Variants in EPHA5 observed in about 807,000 individuals in gnomAD.
EPHA5 encodes the protein EPH receptor A5, also known as ephrin type-A receptor 5.
Under a neutral mutation model 105.0 loss-of-function variants are expected in EPHA5, and 60 were observed. The ratio of observed to expected loss-of-function variants is 0.57; its 90% CI spans 0.46 to 0.71. EPHA5 has a LOEUF of 0.71. Among genes scored for constraint, EPHA5 ranks in the 30% least tolerant of loss-of-function variants. EPHA5 has a pLI of 0.00. For synonymous variants in EPHA5, 513 were observed against 449.1 expected (o/e 1.14, Z -1.80); for missense variants, 1,218 against 1,274.7 (o/e 0.96, Z 0.68).
intron 3 of EPHA5, among the ~76,000 whole-genome samples, chr4:65,579,852 G>A (rs2149395301): frequency 6.6e-6 from 1 of 151,966 alleles, no homozygotes. Flanking sequence ...ACATCTATAA[G>A]TGCTAAAAAT....
At chr4:65,478,381 A>AT (rs566758055) in intron 5 of EPHA5, among the ~76,000 whole-genome samples, 72 of 152,262 alleles carry the variant, frequency 4.7e-4, no homozygotes, top group Middle Eastern at 3.4e-3. Flanking sequence ...AAATTTGTAC[A>AT]TTTTCAGTTT....
At chr4:65,641,508 A>G (rs1747664797) in intron 2 of EPHA5, among the ~76,000 whole-genome samples, 1 of 152,196 alleles carries the variant, frequency 6.6e-6, no homozygotes. Context: ...CTAATCACAA[A>G]TGGCACAGCC....
chr4:65,405,269 G>A (rs1722251820), intron 7 of EPHA5, among the ~76,000 whole-genome samples: 1 of 55,624 alleles, frequency 1.8e-5, no homozygotes, highest in Non-Finnish European at 3.6e-5. Context: ...AACTAATCTT[G>A]ATTAAAATAA....
At chr4:65,584,943 G>A (rs1447718320) in intron 3 of EPHA5, among the ~76,000 whole-genome samples, 1 of 151,832 alleles carries the variant, frequency 6.6e-6, no homozygotes, top group African/African-American at 2.4e-5. Flanking sequence ...AAAATTAGGA[G>A]AGAGGAAATG....
At chr4:65,399,818 TA>T (rs959949049) in intron 8 of EPHA5, among the ~76,000 whole-genome samples, 8 of 151,830 alleles carry the variant, frequency 5.3e-5, no homozygotes, top group African/African-American at 1.9e-4. Context: ...AGAAACATAG[TA>T]TTAAAAAATA....
At chr4:65,572,501 G>A (rs1418017167) in intron 3 of EPHA5, among the ~76,000 whole-genome samples, 7 of 152,026 alleles carry the variant, frequency 4.6e-5, no homozygotes, top group Non-Finnish European at 1.0e-4. Context: ...CAAAATAAAT[G>A]GAAAGAATTT....
At chr4:65,631,106 C>CAAAG (rs2149491454) in intron 2 of EPHA5, among the ~76,000 whole-genome samples, 1 of 152,190 alleles carries the variant, frequency 6.6e-6, no homozygotes, top group East Asian at 1.9e-4. Context: ...AAAAGGTTTT[C>CAAAG]AAAGAGTGTT....
At chr4:65,384,200 C>G (rs965190489) in intron 8 of EPHA5, among the ~76,000 whole-genome samples, 1 of 151,894 alleles carries the variant, frequency 6.6e-6, no homozygotes, top group Non-Finnish European at 1.5e-5. Context: ...CCATCATACT[C>G]TCCCGACCAT....
At chr4:65,558,040 C>A (rs904719435) in intron 3 of EPHA5, among the ~76,000 whole-genome samples, 7 of 152,008 alleles carry the variant, frequency 4.6e-5, no homozygotes, top group African/African-American at 1.4e-4. Flanking sequence ...CCACACCCAG[C>A]TAACTTTTGT....
chr4:65,462,869 C>A (rs1728258400), intron 5 of EPHA5, among the ~76,000 whole-genome samples: 1 of 152,120 alleles, frequency 6.6e-6, no homozygotes, highest in Non-Finnish European at 1.5e-5. Flanking sequence ...TTATACCCTA[C>A]TATATGCATT....
intron 5 of EPHA5, among the ~76,000 whole-genome samples, chr4:65,481,320 G>T (rs1236959234): frequency 6.6e-6 from 1 of 152,116 alleles, no homozygotes; most frequent in Non-Finnish European, 1.5e-5. Context: ...TTACAAAGAT[G>T]ATTTAATTTA....
chr4:65,643,380 C>A lies in EPHA5; in HGVS notation c.229G>T (p.Ala77Ser), dbSNP rs765840668. The change falls in exon 2 of 17, where the codon GCT (alanine) becomes TCT (serine). Residue 77 changes from alanine to serine, a missense_variant. Coordinates refer to ENST00000613740, the MANE Select transcript of EPHA5 (RefSeq NM_001281766.3). ...RTVMGDLGWI[A>S]FPKNGWEEIG... The stretch of plus-strand genomic sequence containing the variant: ...AAACTTACCCCATTTTTTGGAAAAG[C>A]AATCCATCCCAGGTCCCCCATGACA... The A allele has an allele frequency of 1.4e-5, 22 of 1,612,760 alleles. No individual in the cohort carries two copies. In the East Asian group the frequency reaches 4.7e-4, roughly 34 times the overall value.
At chr4:65,666,966 C>G (rs1255640248) in intron 1 of EPHA5, among the ~76,000 whole-genome samples, 1 of 152,012 alleles carries the variant, frequency 6.6e-6, no homozygotes, top group Non-Finnish European at 1.5e-5. Context: ...ATAATGGGAG[C>G]ATTCATAATA....
chr4:65,478,015 C>G (rs1389236509), intron 5 of EPHA5, among the ~76,000 whole-genome samples: 1 of 152,100 alleles, frequency 6.6e-6, no homozygotes, highest in East Asian at 1.9e-4. Flanking sequence ...CAACCATAAT[C>G]GTTATTGAAT....
chr4:65,655,920 C>T (rs1749013671), intron 1 of EPHA5, among the ~76,000 whole-genome samples: 1 of 151,940 alleles, frequency 6.6e-6, no homozygotes, highest in South Asian at 2.1e-4. Flanking sequence ...ATTGATCTTC[C>T]ATACAACATT....
intron 12 of EPHA5, among the ~76,000 whole-genome samples, chr4:65,352,831 G>C (rs1156372158): frequency 6.7e-6 from 1 of 149,136 alleles, no homozygotes; most frequent in Non-Finnish European, 1.5e-5. Context: ...AACTTTAGGG[G>C]CATATAATTT....
intron 2 of EPHA5, among the ~76,000 whole-genome samples, chr4:65,617,748 G>C (rs1745369747): frequency 6.6e-6 from 1 of 152,070 alleles, no homozygotes; most frequent in Non-Finnish European, 1.5e-5. Context: ...TAGCTCCAGG[G>C]AAGGTTTTAT....
chr4:65,456,177 A>G (rs1727564590), intron 5 of EPHA5, among the ~76,000 whole-genome samples: 1 of 152,220 alleles, frequency 6.6e-6, no homozygotes, highest in African/African-American at 2.4e-5. Context: ...TGAATGCCCT[A>G]ACAGTGCTCT....
intron 6 of EPHA5, among the ~76,000 whole-genome samples, chr4:65,420,138 AT>A (rs1723801367): frequency 6.6e-6 from 1 of 152,156 alleles, no homozygotes; most frequent in African/African-American, 2.4e-5. Context: ...CTGAAAGTCT[AT>A]AGCTTAAGTA....
Sources: gnomAD v4.1 joint callset for allele counts (sites outside exome capture counted in the v4.1 genomes callset) on GRCh38, gnomAD v4.1.1 for gene constraint, MANE v1.5 for transcripts, NCBI Gene and HGNC (gene_info 2026-07-23, HGNC 2026-07-21) for gene names.